The following AP2B1 variants were observed in gnomAD, a reference collection of about 807,000 sequenced individuals.
AP2B1 encodes the protein adaptor related protein complex 2 subunit beta 1.
Under a neutral mutation model 102.0 loss-of-function variants are expected in AP2B1, and 23 were observed. That is an observed-to-expected ratio of 0.23 (90% CI 0.16 to 0.32). AP2B1 has a LOEUF of 0.32. AP2B1 is among the 10% of genes least tolerant of loss of function. AP2B1 has a pLI of 1.00. For synonymous variants in AP2B1, 381 were observed against 421.2 expected (o/e 0.90, Z 1.17); for missense variants, 541 against 1,157.4 (o/e 0.47, Z 7.73).
intron 13 of AP2B1, among the ~76,000 whole-genome samples, chr17:35,654,068 C>CTT (rs1308629225): frequency 6.8e-6 from 1 of 146,122 alleles, no homozygotes; most frequent in Non-Finnish European, 1.5e-5. Context: ...ATTTTTTTTA[C>CTT]TTTTTTTTTT....
intron 14 of AP2B1, among the ~76,000 whole-genome samples, chr17:35,669,914 A>G (rs554233406): frequency 2.6e-5 from 4 of 152,352 alleles, no homozygotes; most frequent in East Asian, 3.9e-4. Flanking sequence ...AACTGTAGCA[A>G]AAAGTAGATT....
At chr17:35,714,598 A>G (rs1598355653) in intron 20 of AP2B1, among the ~76,000 whole-genome samples, 1 of 152,124 alleles carries the variant, frequency 6.6e-6, no homozygotes, top group East Asian at 1.9e-4. Context: ...GTAATCCCAC[A>G]CTTTGGGAGC....
rs754301100 is a variant in AP2B1 at position 35,626,810 on chromosome 17, C to G, written c.906C>G (p.Ala302=). Residue 302 remains alanine, a synonymous_variant, in exon 7 of 22, where the codon GCC becomes GCG. Transcript: ENST00000610402. The part of the protein sequence containing the change: ...LSGEPEVQYV[A]LRNINLIVQK... Reference sequence around the variant, plus strand: ...GGGAGCCAGAAGTGCAGTATGTCGCCCTGAGGAACATCAACTTAATTGTCC... The same window carrying G: ...GGGAGCCAGAAGTGCAGTATGTCGCGCTGAGGAACATCAACTTAATTGTCC... The G allele has an allele frequency of 3.1e-6, 5 of 1,613,776 alleles. No individual in the cohort carries two copies. In the South Asian group the frequency reaches 5.5e-5, roughly 18 times the overall value.
chr17:35,713,902 C>A (rs2076500309), intron 20 of AP2B1: 1 of 152,170 alleles, frequency 6.6e-6, no homozygotes, highest in South Asian at 2.1e-4. Context: ...CCGATCATTT[C>A]TGTGGATGTT....
intron 5 of AP2B1, among the ~76,000 whole-genome samples, chr17:35,622,731 C>G (rs1598076103): frequency 6.6e-6 from 1 of 152,194 alleles, no homozygotes; most frequent in East Asian, 1.9e-4. Flanking sequence ...GTGGCGTGAT[C>G]TTGGCTCACT....
intron 18 of AP2B1, among the ~76,000 whole-genome samples, chr17:35,689,210 C>T (rs943056129): frequency 2.0e-5 from 3 of 152,238 alleles, no homozygotes; most frequent in Admixed American, 6.5e-5. Flanking sequence ...GATGGAGTCT[C>T]GCTGTGCCGC....
At chr17:35,672,854 G>C (rs1045969422) in intron 16 of AP2B1, among the ~76,000 whole-genome samples, 8 of 152,042 alleles carry the variant, frequency 5.3e-5, no homozygotes, top group African/African-American at 1.9e-4. Flanking sequence ...GTCTCCCCCT[G>C]CCCCCATTTC....
chr17:35,679,990 G>A (rs1298087154), intron 17 of AP2B1, among the ~76,000 whole-genome samples: 1 of 149,610 alleles, frequency 6.7e-6, no homozygotes. Context: ...GCATTGGCAT[G>A]ATCTTGGCTC....
At chr17:35,691,884 CATATT>C (rs1208199446) in intron 18 of AP2B1, among the ~76,000 whole-genome samples, 1 of 152,210 alleles carries the variant, frequency 6.6e-6, no homozygotes, top group Non-Finnish European at 1.5e-5. Context: ...GGACTATAAA[CATATT>C]ATTTAATCTC....
At chr17:35,643,396 G>C (rs1381743858) in intron 12 of AP2B1, among the ~76,000 whole-genome samples, 13 of 152,136 alleles carry the variant, frequency 8.5e-5, no homozygotes. Flanking sequence ...AGTATGTTTA[G>C]TAGTTTCCTC....
chr17:35,653,948 AGAGTCCCCTGT>A lies in AP2B1; in HGVS notation c.1796+3162_1796+3172del, dbSNP rs1378802909. ...ATATAATTTTTCCTGTCGTCCTTCT[AGAGTCCCCTGT>A]GATTATTAGCTAATCTTTTGCTTCT... On this transcript the variant is annotated intron_variant, in intron 13 of 21. Coordinates refer to ENST00000610402, the MANE Select transcript of AP2B1 (RefSeq NM_001030006.2). 7.2e-5 allele frequency among the ~76,000 whole-genome samples: 11 copies of A among 152,284 alleles called. No individual in the cohort carries two copies. The East Asian group carries it at 1.9e-3, about 27-fold the overall frequency.
In AP2B1 at chr17:35,639,773, C is replaced by T; in HGVS notation, c.1437+13C>T. On this transcript the variant is annotated intron_variant, in intron 11 of 21. Transcript: ENST00000610402. The stretch of plus-strand genomic sequence containing the variant: ...TGAAAGCACCCAGGTAAGTTCTTGT[C>T]TCTTGTCTATCCTAGTAGTTTTAGA... 1.2e-6 allele frequency: 2 copies of T among 1,611,560 alleles called. No individual in the cohort carries two copies. The highest frequency in any genetic ancestry group is 1.7e-6 in the Non-Finnish European group (2 of 1,178,606).
At chr17:35,678,963 TTTG>T (rs2075758866) in intron 17 of AP2B1, among the ~76,000 whole-genome samples, 1 of 21,744 alleles carries the variant, frequency 4.6e-5, no homozygotes, top group Non-Finnish European at 1.2e-4. Flanking sequence ...AGCATTGTTG[TTTG>T]TTTGTTTGTT....
rs188553416 is a variant in AP2B1, at chr17:35,718,917, T to A, written c.2781+1568T>A. On this transcript the variant is annotated intron_variant, in intron 21 of 21. Coordinates refer to ENST00000610402, the MANE Select transcript of AP2B1 (RefSeq NM_001030006.2). ...AGAATGATTAGTGACTAGTTCAAGA[T>A]CATGTAATTTGTTGGTAGGTGAATT... 9.1e-4 allele frequency among the ~76,000 whole-genome samples: 139 copies of A among 152,326 alleles called. No homozygotes were observed. In the East Asian group the frequency reaches 0.016, roughly 18 times the overall value.
rs138518024 is a variant in AP2B1 at position 35,709,959 on chromosome 17, C to T, written c.2540-275C>T. 8.0e-3 allele frequency among the ~76,000 whole-genome samples: 1,216 copies of T among 152,238 alleles called. 14 individuals are homozygous for T. Among genetic ancestry groups the T allele is most frequent in the African/African-American group, 0.027 (1,125 of 41,530 alleles). ...AATTATAGATAAAGAAATTAAGGCTCAGAAAGGTCATAAGTCACCAAAATA... is the reference window on the plus strand; with the variant it reads ...AATTATAGATAAAGAAATTAAGGCTTAGAAAGGTCATAAGTCACCAAAATA... On this transcript the variant is annotated intron_variant, in intron 19 of 21. Transcript: ENST00000610402.
intron 13 of AP2B1, 57 bp downstream of exon 13, chr17:35,650,846 CTCT>C: frequency 1.9e-6 from 3 of 1,567,644 alleles, no homozygotes; most frequent in South Asian, 2.3e-5. Context: ...GACAGCGTTG[CTCT>C]TCTTTATGCT....
chr17:35,703,688 G>A (rs1056843084), intron 18 of AP2B1, among the ~76,000 whole-genome samples: 4 of 152,168 alleles, frequency 2.6e-5, no homozygotes, highest in Non-Finnish European at 5.9e-5. Flanking sequence ...AGAGGGTGGA[G>A]GGTGGGAGAA....
At chr17:35,598,653 A>G (rs2073373770) in intron 3 of AP2B1, among the ~76,000 whole-genome samples, 2 of 152,360 alleles carry the variant, frequency 1.3e-5, no homozygotes, top group African/African-American at 2.4e-5. Flanking sequence ...TTAGAAGATG[A>G]TAAAAATACA....
At chr17:35,717,380 A>T in intron 21 of AP2B1, 31 bp downstream of exon 21, 1 of 1,612,878 alleles carries the variant, frequency 6.2e-7, no homozygotes, top group East Asian at 2.2e-5. Context: ...GGTGAGATGG[A>T]TTAGAGGAGG....
Sources: allele counts gnomAD v4.1 joint callset (sites outside exome capture counted in the v4.1 genomes callset), GRCh38; gene constraint gnomAD v4.1.1; transcripts MANE v1.5; gene names NCBI Gene and HGNC (gene_info 2026-07-23, HGNC 2026-07-21).